SATB1: variants seen among roughly 807,000 people sequenced by gnomAD.
SATB1 encodes SATB homeobox 1.
A neutral mutation model predicts 86.9 loss-of-function variants in SATB1; 11 were observed. That is an observed-to-expected ratio of 0.13 (90% CI 0.08 to 0.21). The LOEUF (loss-of-function observed/expected upper bound fraction) is 0.21, where lower values mean the gene tolerates loss of function less well. SATB1 is among the 10% of genes least tolerant of loss of function. The probability of loss-of-function intolerance (pLI) is 1.00; values close to 1 mark genes in which losing one functional copy is unlikely to be tolerated. For synonymous variants in SATB1, 357 were observed against 357.2 expected (o/e 1.00, Z 0.01); for missense variants, 551 against 937.6 (o/e 0.59, Z 5.39).
chr3:18,397,570 T>TA (rs1339069360), intron 5 of SATB1, among the ~76,000 whole-genome samples: 1 of 152,198 alleles, frequency 6.6e-6, no homozygotes, highest in African/African-American at 2.4e-5. Flanking sequence ...TGCCATCTAT[T>TA]ACTAGGCTGT....
At chr3:18,354,811 T>C (rs1694548970) in intron 9 of SATB1, among the ~76,000 whole-genome samples, 1 of 152,094 alleles carries the variant, frequency 6.6e-6, no homozygotes, top group South Asian at 2.1e-4. Context: ...ACAATCACAC[T>C]CATGCTGGTT....
At chr3:18,361,370 C>T (rs1049774784) in intron 9 of SATB1, among the ~76,000 whole-genome samples, 49 of 152,068 alleles carry the variant, frequency 3.2e-4, no homozygotes, top group African/African-American at 1.1e-3. Flanking sequence ...GCTTGGCACA[C>T]AGTAACAGTA....
At chr3:18,445,295 G>A in intron 1 of SATB1, 4 of 984,996 alleles carry the variant, frequency 4.1e-6, no homozygotes, top group Non-Finnish European at 4.8e-6. Flanking sequence ...CCGAGCCGCC[G>A]CCGCCGCCGC....
intron 7 of SATB1, among the ~76,000 whole-genome samples, chr3:18,388,098 C>A (rs890866101): frequency 6.6e-6 from 1 of 152,094 alleles, no homozygotes; most frequent in Non-Finnish European, 1.5e-5. Context: ...CCTGAACTTT[C>A]GTTTTTACCC....
At position 18,349,082 on chromosome 3, in the gene SATB1, C is replaced by T; in HGVS notation, c.*88G>A. The T allele has an allele frequency of 1.3e-6, 2 of 1,525,118 alleles. No homozygotes were observed. Among genetic ancestry groups the T allele is most frequent in the Non-Finnish European group, 1.8e-6 (2 of 1,140,482 alleles). 94.5% of individuals were successfully genotyped at this position (1,525,118 alleles called of 1,614,324 possible). A position where few individuals can be genotyped will look rare whatever the true frequency, so the allele number is the denominator to read the frequency against. On this transcript the variant is annotated 3_prime_UTR_variant, in exon 11 of 11. Transcript: ENST00000338745. The surrounding 1 kb of genome is among the most constrained non-coding windows in gnomAD (Gnocchi z 5.5). ...GATTCATTGGCCAAACAATGAACAA[C>T]AAAGGTTTTCTGAGAGAAGACAAGG...
chr3:18,435,509 AG>A (rs1218779832), intron 2 of SATB1, among the ~76,000 whole-genome samples: 2 of 152,186 alleles, frequency 1.3e-5, no homozygotes, highest in Non-Finnish European at 2.9e-5. Flanking sequence ...ATTAAATGGC[AG>A]GCAACCACAC....
At position 18,424,755 on chromosome 3, in the gene SATB1, C is replaced by G. The variant is rs1698586934; in HGVS notation, c.-1153G>C. On this transcript the variant is annotated 5_prime_UTR_variant, in exon 1 of 11. Transcript: ENST00000338745. The stretch of plus-strand genomic sequence containing the variant: ...ACTAGGACTTTGGGGGAAAAGAAAC[C>G]CAGAAACCCCGACAAAACTGATCAG... 1 of 152,294 alleles carries G rather than the reference C, an allele frequency of 6.6e-6. No individual in the cohort carries two copies. 9.4% of individuals were successfully genotyped at this position (152,294 alleles called of 1,614,324 possible).
At position 18,386,676 on chromosome 3, in the gene SATB1, T is replaced by C. The variant is rs1268928587; in HGVS notation, c.1207-65A>G. 1.7e-5 allele frequency: 22 copies of C among 1,259,230 alleles called. No individual in the cohort carries two copies. In the Middle Eastern group the frequency reaches 6.3e-4, roughly 36 times the overall value. 78.0% of individuals were successfully genotyped at this position (1,259,230 alleles called of 1,614,324 possible). On this transcript the variant is annotated intron_variant, in intron 7 of 10. Transcript: ENST00000338745. This position sits in a 1 kb window ranked among gnomAD's most constrained non-coding sequence, Gnocchi z 4.5. ...GCTTTGCCTGGCCAGCAGTGATCCTTCCCTTTTCTTCTCCACTCTGTTTAG... is the reference window on the plus strand; with the variant it reads ...GCTTTGCCTGGCCAGCAGTGATCCTCCCCTTTTCTTCTCCACTCTGTTTAG...
At chr3:18,388,331 A>C (rs1696452031) in intron 7 of SATB1, among the ~76,000 whole-genome samples, 1 of 152,156 alleles carries the variant, frequency 6.6e-6, no homozygotes, top group Non-Finnish European at 1.5e-5. Flanking sequence ...GTCTCAAAAA[A>C]AAAAAGTTTG....
At chr3:18,369,120 G>A (rs1695327125) in intron 9 of SATB1, among the ~76,000 whole-genome samples, 1 of 150,408 alleles carries the variant, frequency 6.6e-6, no homozygotes, top group African/African-American at 2.5e-5. Context: ...CTTTTTGAGT[G>A]TCTGGTATCT....
chr3:18,431,633 G>C (rs1698894072), intron 2 of SATB1, among the ~76,000 whole-genome samples: 1 of 152,202 alleles, frequency 6.6e-6, no homozygotes, highest in African/African-American at 2.4e-5. Context: ...TACCAGGTTA[G>C]GTGATGTTTT....
At chr3:18,371,597 C>A (rs1198246294) in intron 9 of SATB1, among the ~76,000 whole-genome samples, 1 of 152,182 alleles carries the variant, frequency 6.6e-6, no homozygotes, top group Non-Finnish European at 1.5e-5. Context: ...TCTCTTAGCA[C>A]CTTTCACTGA....
At chr3:18,410,844 G>A in intron 5 of SATB1, 1 of 365,968 alleles carries the variant, frequency 2.7e-6, no homozygotes, top group Non-Finnish European at 4.8e-6. Flanking sequence ...TGTATAACAT[G>A]ATAGATTTGT....
intron 8 of SATB1, among the ~76,000 whole-genome samples, chr3:18,384,485 A>T (rs1696224950): frequency 6.6e-6 from 1 of 151,078 alleles, no homozygotes; most frequent in Non-Finnish European, 1.5e-5. Flanking sequence ...AAGCAGTTCA[A>T]TGTTGAAGTT....
chr3:18,428,606 T>G (rs1188572639), upstream of SATB1, among the ~76,000 whole-genome samples: 1 of 152,186 alleles, frequency 6.6e-6, no homozygotes, highest in East Asian at 1.9e-4. Flanking sequence ...TTGAAGAAAG[T>G]TAAACTTTAT....
intron 8 of SATB1, among the ~76,000 whole-genome samples, chr3:18,380,311 T>C (rs1575115261): frequency 6.6e-6 from 1 of 152,208 alleles, no homozygotes. Flanking sequence ...AAAGTTGGTG[T>C]TTCGATCTGT....
upstream of SATB1, among the ~76,000 whole-genome samples, chr3:18,439,383 T>C (rs58727981): frequency 3.9e-3 from 590 of 152,308 alleles, 34 homozygotes; most frequent in East Asian, 0.1. Context: ...ACCCTGAATA[T>C]ATACACACAC....
intron 9 of SATB1, among the ~76,000 whole-genome samples, chr3:18,355,577 A>C: frequency 6.6e-6 from 1 of 152,080 alleles, no homozygotes; most frequent in African/African-American, 2.4e-5. Context: ...CTAGTTTTTA[A>C]GTGTTAACTG....
intron 5 of SATB1, among the ~76,000 whole-genome samples, chr3:18,401,818 A>C (rs1246808001): frequency 6.6e-6 from 1 of 152,130 alleles, no homozygotes. Flanking sequence ...CCCTATGAGG[A>C]GCTTCGGTTC....
Sources: allele counts gnomAD v4.1 joint callset (sites outside exome capture counted in the v4.1 genomes callset), GRCh38; gene constraint gnomAD v4.1.1; non-coding constraint Gnocchi (gnomAD v3.1); transcripts MANE v1.5; gene names NCBI Gene and HGNC (gene_info 2026-07-23, HGNC 2026-07-21).